Variants in CUL3 observed in about 807,000 individuals in gnomAD.
CUL3 encodes cullin 3.
In CUL3, 19 loss-of-function variants were observed where a neutral mutation model predicts 89.1. The ratio of observed to expected loss-of-function variants is 0.21; its 90% confidence interval spans 0.15 to 0.31. The LOEUF (loss-of-function observed/expected upper bound fraction) is 0.31. Ranked by LOEUF, CUL3 falls within the 10% of genes least tolerant of loss-of-function variation. CUL3 has a pLI of 1.00. For synonymous variants in CUL3, 351 were observed against 308.4 expected (o/e 1.14, Z -1.45); for missense variants, 469 against 942.3 (o/e 0.50, Z 6.58).
rs2106331366 is a variant in CUL3, at chr2:224,584,995, G to A, written c.15C>T (p.Ser5=). ...TGTCCTTCCGGCTGCCCGTGCCTTT[G>A]CTCAGATTCGACATGGTGCTCGTCC... is the stretch of plus-strand genomic sequence containing the variant. MSNL[S]KGTGSRKDTK... Residue 5 remains serine, a synonymous_variant, in exon 1 of 16, where the codon AGC becomes AGT. Coordinates refer to ENST00000264414, the MANE Select transcript of CUL3 (RefSeq NM_003590.5). 1 of 1,510,782 alleles carries A rather than the reference G, an allele frequency of 6.6e-7. No individual in the cohort carries two copies. Among genetic ancestry groups the A allele is most frequent in the East Asian group, 2.7e-5 (1 of 37,630 alleles). 93.6% of individuals were successfully genotyped at this position (1,510,782 alleles called of 1,614,324 possible). A position where few individuals can be genotyped will look rare whatever the true frequency, so the allele number is the denominator to read the frequency against.
chr2:224,481,368 T>TAGA (rs1177507189), intron 14 of CUL3, among the ~76,000 whole-genome samples: 1 of 150,532 alleles, frequency 6.6e-6, no homozygotes, highest in Non-Finnish European at 1.5e-5. Flanking sequence ...GTTTAATGAA[T>TAGA]AGAATTTTCA....
intron 1 of CUL3, among the ~76,000 whole-genome samples, chr2:224,575,647 T>C (rs1486408480): frequency 1.3e-5 from 2 of 152,262 alleles, no homozygotes; most frequent in South Asian, 4.1e-4. Flanking sequence ...AGAAGCTTTA[T>C]ATGTATTAAC....
Position 224,513,558 on chromosome 2 carries a change from G to A in CUL3, c.620C>T (p.Ala207Val), listed in dbSNP as rs750610847. Residue 207 changes from alanine (A) to valine (V), a missense_variant, in exon 5 of 16, where the codon GCT becomes GTT. By Grantham distance (64) the Ala-to-Val change is moderately conservative. Around this residue, in one of 4 missense-constraint regions of CUL3, gnomAD observed 370 missense variants for 733.2 expected, o/e 0.50. Transcript: ENST00000264414. ...GRSVYEEDFEAPFLEMSAEFF... is the reference protein window; with the variant it reads ...GRSVYEEDFEVPFLEMSAEFF... ...TTCTGCAGACATTTCCAAAAAAGGA[G>A]CCTCAAAATCTTCTTCATAGACTGA... The A allele has an allele frequency of 1.6e-5, 25 of 1,598,084 alleles. No homozygotes were observed. The highest frequency in any genetic ancestry group is 2.1e-5 in the Non-Finnish European group (25 of 1,175,850).
rs561655789 is a variant in CUL3 at position 224,473,128 on chromosome 2, G to T, written c.*1117C>A. 4.9e-6 allele frequency: 1 copy of T among 204,164 alleles called. No homozygotes were observed. Among genetic ancestry groups the T allele is most frequent in the South Asian group, 1.9e-4 (1 of 5,256 alleles). The allele number at this position is 204,164 out of a possible 1,614,324, so 12.6% of individuals were successfully genotyped here. A position where few individuals can be genotyped will look rare whatever the true frequency, so the allele number is the denominator to read the frequency against. On this transcript the variant is annotated 3_prime_UTR_variant, in exon 16 of 16. Coordinates refer to ENST00000264414, the MANE Select transcript of CUL3 (RefSeq NM_003590.5). ...ATAGCTAAATATCCAAGAATCATCA[G>T]GTTTGAGAAATATTGCTTAATCACT...
intron 1 of CUL3, 105 bp downstream of exon 1, chr2:224,584,839 G>C: frequency 1.4e-6 from 1 of 721,966 alleles, no homozygotes; most frequent in Non-Finnish European, 1.8e-6. Context: ...GTGGGGGAGG[G>C]GAGGCCGGGC....
At chr2:224,564,741 A>G (rs1055617711) in intron 1 of CUL3, among the ~76,000 whole-genome samples, 2 of 152,260 alleles carry the variant, frequency 1.3e-5, no homozygotes, top group East Asian at 1.9e-4. Context: ...TCTTCCCCAC[A>G]AAGTCTAAAA....
At chr2:224,555,343 A>C (rs947680338) in intron 2 of CUL3, among the ~76,000 whole-genome samples, 4 of 152,252 alleles carry the variant, frequency 2.6e-5, no homozygotes, top group Middle Eastern at 6.8e-3. Context: ...AATTTCTGAC[A>C]TCATCCATTC....
intron 3 of CUL3, among the ~76,000 whole-genome samples, chr2:224,518,510 T>C (rs1230345218): frequency 1.3e-5 from 2 of 152,310 alleles, no homozygotes; most frequent in Non-Finnish European, 1.5e-5. Context: ...CTGGGCTGTA[T>C]GGAAATTATC....
intron 3 of CUL3, among the ~76,000 whole-genome samples, chr2:224,532,736 G>C (rs1693741173): frequency 6.6e-6 from 1 of 152,130 alleles, no homozygotes. Flanking sequence ...TCTGAGGATT[G>C]AGTGAGTGGC....
chr2:224,489,045 T>C (rs1238616405), intron 13 of CUL3, among the ~76,000 whole-genome samples: 1 of 152,184 alleles, frequency 6.6e-6, no homozygotes, highest in Non-Finnish European at 1.5e-5. Flanking sequence ...GAAAAGACCT[T>C]TGGTAAAATT....
At chr2:224,477,710 T>C (rs1691376063) in intron 15 of CUL3, among the ~76,000 whole-genome samples, 1 of 152,192 alleles carries the variant, frequency 6.6e-6, no homozygotes, top group Admixed American at 6.5e-5. Flanking sequence ...CACTTCCCAT[T>C]ATCAATCAGT....
chr2:224,506,247 T>C, intron 7 of CUL3, 115 bp from the exon 8 acceptor site: 1 of 662,692 alleles, frequency 1.5e-6, no homozygotes, highest in Non-Finnish European at 2.4e-6. Context: ...TATATTCATT[T>C]TTAAACTTAC....
At chr2:224,571,693 G>A (rs1695184285) in intron 1 of CUL3, among the ~76,000 whole-genome samples, 2 of 152,212 alleles carry the variant, frequency 1.3e-5, no homozygotes, top group Admixed American at 1.3e-4. Flanking sequence ...CTTTCCCACT[G>A]CTTCACATTA....
At chr2:224,552,949 C>G (rs922770290) in intron 2 of CUL3, among the ~76,000 whole-genome samples, 1 of 152,098 alleles carries the variant, frequency 6.6e-6, no homozygotes, top group African/African-American at 2.4e-5. Context: ...AATATCTCAC[C>G]TTCTAGTCAA....
intron 3 of CUL3, among the ~76,000 whole-genome samples, chr2:224,530,717 G>A (rs1693665969): frequency 6.6e-6 from 1 of 152,066 alleles, no homozygotes; most frequent in South Asian, 2.1e-4. Context: ...GACCAGCCTG[G>A]CCAACATGGC....
At chr2:224,547,848 A>ACATAAAGTT in intron 2 of CUL3, among the ~76,000 whole-genome samples, 1 of 152,292 alleles carries the variant, frequency 6.6e-6, no homozygotes, top group South Asian at 2.1e-4. Context: ...TGTTTAATTG[A>ACATAAAGTT]CATAAAGAAG....
chr2:224,505,233 G>A (rs1222787298), intron 8 of CUL3, among the ~76,000 whole-genome samples: 2 of 151,858 alleles, frequency 1.3e-5, no homozygotes, highest in African/African-American at 2.4e-5. Flanking sequence ...CGCCTCCTGG[G>A]TTCAAGTGAT....
chr2:224,563,148 G>A, intron 1 of CUL3: 1 of 436,938 alleles, frequency 2.3e-6, no homozygotes, highest in South Asian at 1.7e-5. Context: ...ATACAGATAT[G>A]AGCTAAAACA....
rs1205575286 is a variant in CUL3 at position 224,471,521 on chromosome 2, GAGA to G, written c.*2721_*2723del. 6 of 194,386 alleles carry G rather than the reference GAGA, an allele frequency of 3.1e-5. No homozygotes were observed. Among genetic ancestry groups the G allele is most frequent in the Admixed American group, 6.1e-5 (1 of 16,468 alleles). The allele number at this position is 194,386 out of a possible 1,614,324, so 12.0% of individuals were successfully genotyped here. On this transcript the variant is annotated 3_prime_UTR_variant, in exon 16 of 16. Coordinates refer to ENST00000264414, the MANE Select transcript of CUL3 (RefSeq NM_003590.5). ...CAAAACATCAACAGTGCTTCACTAT[GAGA>G]AGGATTCTTACAGAGAAGGCCTATC...
Sources: gnomAD v4.1 joint callset for allele counts (sites outside exome capture counted in the v4.1 genomes callset) on GRCh38, gnomAD v4.1.1 for gene constraint, gnomAD v4.1.1 regional missense constraint, MANE v1.5 for transcripts, NCBI Gene and HGNC (gene_info 2026-07-23, HGNC 2026-07-21) for gene names.